The following CPLANE1 variants were observed in gnomAD, a reference collection of about 807,000 sequenced individuals.
CPLANE1 encodes the protein ciliogenesis and planar polarity effector 1.
A neutral mutation model predicts 362.5 loss-of-function variants in CPLANE1; 263 were observed. That is an observed-to-expected ratio of 0.73 (90% confidence interval 0.66 to 0.80). CPLANE1 has a LOEUF of 0.80. CPLANE1 is among the 30% of genes least tolerant of loss of function. The pLI is 0.00. For synonymous variants in CPLANE1, 1,212 were observed against 1,302.6 expected (o/e 0.93, Z 1.50); for missense variants, 3,461 against 3,793.4 (o/e 0.91, Z 2.30).
intron 42 of CPLANE1, among the ~76,000 whole-genome samples, chr5:37,153,287 T>C (rs549798550): frequency 2.0e-5 from 3 of 152,236 alleles, no homozygotes; most frequent in East Asian, 1.9e-4. Flanking sequence ...CTACCAAACA[T>C]TTAAGGAAGA....
intron 21 of CPLANE1, among the ~76,000 whole-genome samples, chr5:37,194,378 C>T (rs980074240): frequency 6.6e-6 from 1 of 152,106 alleles, no homozygotes; most frequent in South Asian, 2.1e-4. Flanking sequence ...GGACTATGTC[C>T]CTATTTATGA....
intron 18 of CPLANE1, 124 bp from the exon 19 acceptor site, chr5:37,201,932 C>A (rs1374276107): frequency 3.2e-6 from 2 of 630,324 alleles, no homozygotes; most frequent in Non-Finnish European, 5.4e-6. Context: ...GGTTGACATA[C>A]AAACATCCAA....
At chr5:37,108,213 A>AAAACAAAC (rs576771478) in intron 52 of CPLANE1, 80 bp downstream of exon 52, 3 of 1,381,490 alleles carry the variant, frequency 2.2e-6, no homozygotes, top group Middle Eastern at 2.4e-4. Context: ...AACAAACTAA[A>AAAACAAAC]AAACAAACAA....
intron 42 of CPLANE1, among the ~76,000 whole-genome samples, chr5:37,149,578 C>T (rs536529547): frequency 6.6e-6 from 1 of 151,988 alleles, no homozygotes; most frequent in Non-Finnish European, 1.5e-5. Flanking sequence ...TTTTTCTATG[C>T]GTACATACCT....
chr5:37,191,932 T>G lies in CPLANE1; in HGVS notation c.3811+3926A>C, dbSNP rs147133936. Among the ~76,000 whole-genome samples the G allele has an allele frequency of 2.4e-4, 36 of 152,342 alleles. 1 individual carries two copies. Among genetic ancestry groups the G allele is most frequent in the African/African-American group, 8.2e-4 (34 of 41,576 alleles). ...AAAAATATTTTTAATAAATTTAGTA[T>G]AGCCTAAGTGTACAGTGTTTATAAA... On this transcript the variant is annotated intron_variant, in intron 21 of 52. Coordinates refer to ENST00000651892, the MANE Select transcript of CPLANE1 (RefSeq NM_001384732.1).
chr5:37,100,185 T>C, the CPLANE1 span, among the ~76,000 whole-genome samples: 2 of 152,184 alleles, frequency 1.3e-5, no homozygotes, highest in Non-Finnish European at 2.9e-5. Context: ...TCTTTGCCAG[T>C]GCTGATGTTC....
At chr5:37,132,730 G>A (rs533368201) in intron 46 of CPLANE1, among the ~76,000 whole-genome samples, 1 of 151,998 alleles carries the variant, frequency 6.6e-6, no homozygotes, top group Non-Finnish European at 1.5e-5. Context: ...CATTCTGTAG[G>A]CTGTCTGTTT....
chr5:37,122,476 A>G lies in CPLANE1; in HGVS notation c.8971T>C (p.Ser2991Pro), dbSNP rs1762934037. ...CPRSNPLYMTSREIRLRQKMK... is the reference protein window; with the variant it reads ...CPRSNPLYMTPREIRLRQKMK... ...TTTTGTCTCAGCCTTATTTCCCTTGAAGTCATGTAAAGCTGCATAAAAAAT... is the reference window on the plus strand; with the variant it reads ...TTTTGTCTCAGCCTTATTTCCCTTGGAGTCATGTAAAGCTGCATAAAAAAT... Residue 2991 changes from serine to proline, a missense_variant, in exon 48 of 53, where the codon TCA becomes CCA. Coordinates refer to ENST00000651892, the MANE Select transcript of CPLANE1 (RefSeq NM_001384732.1). 6.2e-7 allele frequency: 1 copy of G among 1,612,052 alleles called. No individual in the cohort carries two copies. The highest frequency in any genetic ancestry group is 1.3e-5 in the African/African-American group (1 of 74,814).
In CPLANE1 at chr5:37,113,565, G is replaced by A. The variant is rs983808404; in HGVS notation, c.9400+1395C>T. ...AACGACCAGAAGCTTGGGTTTTAAC[G>A]CATACATGGGGGAAAGAGTAGAAAA... is the stretch of plus-strand genomic sequence containing the variant. On this transcript the variant is annotated intron_variant, in intron 51 of 52. Transcript: ENST00000651892. Among the ~76,000 whole-genome samples the A allele has an allele frequency of 3.9e-5, 6 of 152,128 alleles. No individual in the cohort carries two copies. In the East Asian group the frequency reaches 7.7e-4, roughly 20 times the overall value.
At chr5:37,241,680 G>A (rs1800536161) in intron 6 of CPLANE1, among the ~76,000 whole-genome samples, 1 of 152,108 alleles carries the variant, frequency 6.6e-6, no homozygotes, top group Non-Finnish European at 1.5e-5. Context: ...AGGCTGGAGT[G>A]CAGTGGCACG....
chr5:37,138,725 G>T lies in CPLANE1; in HGVS notation c.8787C>A (p.Thr2929=), dbSNP rs1349133734. Residue 2929 remains threonine, a synonymous_variant, in exon 46 of 53, where the codon ACC becomes ACA. Transcript: ENST00000651892. ...ELGLTEQAMG[T]SRIQHYSGRH... is the part of the protein sequence containing the mutation. ...ATGAATTATTCAATGATTACCTGGA[G>T]GTGCCCATAGCTTGTTCTGTTAAGC... 3.7e-6 allele frequency: 6 copies of T among 1,605,720 alleles called. No homozygotes were observed. The highest frequency in any genetic ancestry group is 5.1e-6 in the Non-Finnish European group (6 of 1,177,822).
At chr5:37,084,464 T>C in the CPLANE1 span, among the ~76,000 whole-genome samples, 4 of 152,246 alleles carry the variant, frequency 2.6e-5, no homozygotes, top group East Asian at 5.8e-4. Context: ...TGAATGTAAA[T>C]GGCCTAAATG....
At chr5:37,140,414 T>A in intron 44 of CPLANE1, 1 of 985,006 alleles carries the variant, frequency 1.0e-6, no homozygotes, top group Non-Finnish European at 1.2e-6. Context: ...TCTGGGCATT[T>A]GTGGGTTAAG....
chr5:37,180,999 C>T lies in CPLANE1; in HGVS notation c.5428G>A (p.Glu1810Lys). ...KAKNAIIKMV[E>K]NRDTGCQIGP... ...ATCTGACACCCAGTGTCACGATTCT[C>T]TACCATCTAAAGCAAACCATTTAAA... The change falls in exon 27 of 53, where the codon GAG becomes AAG. Residue 1810 changes from glutamate to lysine, a missense_variant. Glu to Lys is a moderately conservative substitution (Grantham distance 56, BLOSUM62 1). Coordinates refer to ENST00000651892, the MANE Select transcript of CPLANE1 (RefSeq NM_001384732.1). The T allele has an allele frequency of 1.2e-6, 2 of 1,613,566 alleles. No individual in the cohort carries two copies. Among genetic ancestry groups the T allele is most frequent in the African/African-American group, 2.7e-5 (2 of 75,050 alleles).
chr5:37,116,294 G>A (rs1760929318), intron 50 of CPLANE1, among the ~76,000 whole-genome samples: 1 of 151,944 alleles, frequency 6.6e-6, no homozygotes, highest in Non-Finnish European at 1.5e-5. Context: ...TGACCAGCCT[G>A]GCCAACATGG....
rs757658944 is a variant in CPLANE1, at chr5:37,125,362, C to T, written c.8840G>A (p.Arg2947Lys). 3.2e-5 allele frequency: 52 copies of T among 1,613,690 alleles called. No individual in the cohort carries two copies. The highest frequency in any genetic ancestry group is 4.2e-5 in the Non-Finnish European group (50 of 1,179,944). Residue 2947 changes from arginine (R) to lysine (K), a missense_variant, in exon 47 of 53, where the codon AGA (arginine) becomes AAA (lysine). Coordinates refer to ENST00000651892, the MANE Select transcript of CPLANE1 (RefSeq NM_001384732.1). ...TTTCATCCAGGCTTGAATCTCTCTT[C>T]TTTCCTTGTCAGTTCTTTGTGAATG... is the stretch of plus-strand genomic sequence containing the variant. The part of the protein sequence containing the change: ...GRHSQRTDKE[R>K]REIQAWMKRK...
chr5:37,127,515 AT>A (rs556523898), intron 46 of CPLANE1, among the ~76,000 whole-genome samples: 3,558 of 133,970 alleles, frequency 0.027, 76 homozygotes, highest in African/African-American at 0.068. Context: ...TTTTTATTTA[AT>A]TTTTTTTTTT....
In CPLANE1 at chr5:37,205,575, G is replaced by T. The variant is rs139761028; in HGVS notation, c.3150-121C>A. ...AATGGAATTTACTTTTTTATCTATC[G>T]TACATGTAAAAAAGATATATTCAAG... On this transcript the variant is annotated intron_variant, in intron 17 of 52. Coordinates refer to ENST00000651892, the MANE Select transcript of CPLANE1 (RefSeq NM_001384732.1). The T allele has an allele frequency of 1.1e-5, 7 of 658,452 alleles. No homozygotes were observed. In the East Asian group the frequency reaches 2.0e-4, roughly 18 times the overall value. The allele number at this position is 658,452 out of a possible 1,614,324, so 40.8% of individuals were successfully genotyped here.
chr5:37,160,113 A>T (rs1776438985), intron 38 of CPLANE1, among the ~76,000 whole-genome samples: 1 of 152,228 alleles, frequency 6.6e-6, no homozygotes, highest in Non-Finnish European at 1.5e-5. Context: ...ATGTAATTTC[A>T]AATTTTATTA....
Sources: gnomAD v4.1 joint callset for allele counts (sites outside exome capture counted in the v4.1 genomes callset) on GRCh38, gnomAD v4.1.1 for gene constraint, MANE v1.5 for transcripts, NCBI Gene and HGNC (gene_info 2026-07-23, HGNC 2026-07-21) for gene names.